Variants in LDLRAD3 observed in about 807,000 individuals in gnomAD.
LDLRAD3 encodes low density lipoprotein receptor class A domain containing 3.
Under a neutral mutation model 29.4 loss-of-function variants are expected in LDLRAD3, and 20 were observed. That is an observed-to-expected ratio of 0.68 (90% CI 0.48 to 0.99). The LOEUF (loss-of-function observed/expected upper bound fraction) is 0.99. Among genes scored for constraint, LDLRAD3 ranks in the 50% least tolerant of loss-of-function variants. The pLI is 0.00. For synonymous variants in LDLRAD3, 157 were observed against 192.7 expected (o/e 0.81, Z 1.53); for missense variants, 420 against 454.3 (o/e 0.92, Z 0.69).
intron 4 of LDLRAD3, among the ~76,000 whole-genome samples, chr11:36,113,043 G>A (rs1432208314): frequency 6.6e-6 from 1 of 152,204 alleles, no homozygotes; most frequent in East Asian, 1.9e-4. Context: ...GAAGGAATGG[G>A]AAGACAGGGA....
chr11:36,209,887 C>G (rs1037830453), intron 4 of LDLRAD3, among the ~76,000 whole-genome samples: 2 of 152,132 alleles, frequency 1.3e-5, no homozygotes, highest in Non-Finnish European at 2.9e-5. Flanking sequence ...TATGCCTGTA[C>G]TATTCCTGGA....
chr11:35,963,380 C>T, intron 1 of LDLRAD3, among the ~76,000 whole-genome samples: 1 of 151,264 alleles, frequency 6.6e-6, no homozygotes. Context: ...ATGTCAGAAC[C>T]CCTCATTCAT....
At chr11:36,224,461 G>A (rs1483488267) in intron 4 of LDLRAD3, among the ~76,000 whole-genome samples, 1 of 152,156 alleles carries the variant, frequency 6.6e-6, no homozygotes, top group South Asian at 2.1e-4. Flanking sequence ...CCTCCACCCA[G>A]CTTCTAATTG....
intron 1 of LDLRAD3, among the ~76,000 whole-genome samples, chr11:35,962,834 G>A (rs1002394979): frequency 6.6e-6 from 1 of 152,176 alleles, no homozygotes; most frequent in Admixed American, 6.5e-5. Context: ...AACGTGGGTG[G>A]GGAACGAAAC....
chr11:36,159,855 G>A (rs1485154302), intron 4 of LDLRAD3, among the ~76,000 whole-genome samples: 3 of 152,132 alleles, frequency 2.0e-5, no homozygotes, highest in East Asian at 3.9e-4. Context: ...TACCCTGGAG[G>A]GCCAGGACGG....
At chr11:36,006,091 C>G (rs1721416038) in intron 1 of LDLRAD3, among the ~76,000 whole-genome samples, 1 of 152,100 alleles carries the variant, frequency 6.6e-6, no homozygotes, top group South Asian at 2.1e-4. Flanking sequence ...TATAGATGCC[C>G]AGTCGTTCCT....
chr11:36,051,481 C>G (rs117921990), intron 2 of LDLRAD3, among the ~76,000 whole-genome samples: 1,962 of 152,334 alleles, frequency 0.013, 16 homozygotes, highest in Middle Eastern at 0.02. Context: ...TCCCGTGTCA[C>G]GGGCTGGTGA....
chr11:36,099,305 T>C (rs1853411391), intron 4 of LDLRAD3, among the ~76,000 whole-genome samples: 1 of 150,338 alleles, frequency 6.7e-6, no homozygotes, highest in Admixed American at 6.7e-5. Context: ...ACTCATGGAC[T>C]CTTTTTTTTA....
chr11:36,112,494 G>A (rs983171469), intron 4 of LDLRAD3, among the ~76,000 whole-genome samples: 18 of 152,184 alleles, frequency 1.2e-4, no homozygotes, highest in African/African-American at 3.1e-4. Flanking sequence ...CTTCCAGACC[G>A]TGCACTCATG....
intron 4 of LDLRAD3, among the ~76,000 whole-genome samples, chr11:36,121,062 C>G (rs1452308872): frequency 5.3e-5 from 8 of 152,194 alleles, no homozygotes; most frequent in Non-Finnish European, 2.9e-5. Flanking sequence ...GCAGCCCCAA[C>G]TAAGCCACCG....
chr11:36,187,225 G>A (rs541971130), intron 4 of LDLRAD3, among the ~76,000 whole-genome samples: 2 of 151,972 alleles, frequency 1.3e-5, no homozygotes, highest in Non-Finnish European at 2.9e-5. Context: ...TGCATATTAT[G>A]AGAAAGAGCA....
intron 1 of LDLRAD3, among the ~76,000 whole-genome samples, chr11:35,951,692 G>A (rs1216301809): frequency 6.6e-6 from 1 of 152,168 alleles, no homozygotes; most frequent in African/African-American, 2.4e-5. Flanking sequence ...GCCTCTTTGT[G>A]TATACACAAA....
chr11:36,032,536 A>C (rs1401553850), intron 1 of LDLRAD3, among the ~76,000 whole-genome samples: 2 of 152,176 alleles, frequency 1.3e-5, no homozygotes, highest in African/African-American at 4.8e-5. Flanking sequence ...AGGTTTGTCA[A>C]CCTCAGCACT....
chr11:35,999,246 C>T (rs1054287440), intron 1 of LDLRAD3, among the ~76,000 whole-genome samples: 1 of 152,140 alleles, frequency 6.6e-6, no homozygotes, highest in African/African-American at 2.4e-5. Context: ...CAGCCTAGAA[C>T]CGAATGTATG....
chr11:36,064,225 A>G (rs1342812077), intron 2 of LDLRAD3, among the ~76,000 whole-genome samples: 1 of 152,196 alleles, frequency 6.6e-6, no homozygotes, highest in South Asian at 2.1e-4. Context: ...TTGCTAGTGT[A>G]TACAAATACA....
intron 2 of LDLRAD3, among the ~76,000 whole-genome samples, chr11:36,052,526 T>G (rs112437447): frequency 5.9e-5 from 9 of 152,176 alleles, no homozygotes; most frequent in African/African-American, 2.2e-4. Context: ...TCTAACATCA[T>G]CTTATTTTGG....
At chr11:36,064,402 C>T (rs189434115) in intron 2 of LDLRAD3, among the ~76,000 whole-genome samples, 12 of 152,124 alleles carry the variant, frequency 7.9e-5, no homozygotes, top group African/African-American at 2.4e-4. Flanking sequence ...CTTGACCTCC[C>T]AGGCTCAAGT....
At chr11:36,134,237 A>G (rs1172532252) in intron 4 of LDLRAD3, among the ~76,000 whole-genome samples, 1 of 152,228 alleles carries the variant, frequency 6.6e-6, no homozygotes, top group African/African-American at 2.4e-5. Context: ...ATACATTGAA[A>G]TGCATTGTAC....
chr11:36,045,617 T>C (rs1852437882), intron 2 of LDLRAD3, among the ~76,000 whole-genome samples: 1 of 152,022 alleles, frequency 6.6e-6, no homozygotes. Context: ...GTAATAACCC[T>C]CATGTGGTCA....
Sources: allele counts gnomAD v4.1 joint callset (sites outside exome capture counted in the v4.1 genomes callset), GRCh38; gene constraint gnomAD v4.1.1; transcripts MANE v1.5; gene names NCBI Gene and HGNC (gene_info 2026-07-23, HGNC 2026-07-21).